The following MMP16 variants were observed in gnomAD, a reference collection of about 807,000 sequenced individuals.
MMP16 encodes matrix metalloproteinase-16.
A neutral mutation model predicts 67.8 loss-of-function variants in MMP16; 12 were observed. The ratio of observed to expected loss-of-function variants is 0.18; its 90% confidence interval spans 0.11 to 0.29. MMP16 has a LOEUF of 0.29. Among genes scored for constraint, MMP16 ranks in the 10% least tolerant of loss-of-function variants. The pLI is 1.00. For missense variants in MMP16, 475 were observed against 765.7 expected, an observed-to-expected ratio of 0.62 and a Z score of 4.48; for synonymous variants, 249 against 255.9, an observed-to-expected ratio of 0.97 and a Z score of 0.26.
At chr8:88,149,455 G>A (rs1403506132) in intron 4 of MMP16, among the ~76,000 whole-genome samples, 1 of 152,174 alleles carries the variant, frequency 6.6e-6, no homozygotes, top group Non-Finnish European at 1.5e-5. Flanking sequence ...AGACTTAAAT[G>A]TCCCTGTCTG....
chr8:88,050,659 C>A (rs1043324887), intron 8 of MMP16, among the ~76,000 whole-genome samples: 3 of 152,148 alleles, frequency 2.0e-5, no homozygotes, highest in African/African-American at 7.2e-5. Context: ...TATTCAAAGA[C>A]AATTGACTTA....
chr8:88,126,599 A>C (rs1381459231), intron 4 of MMP16, among the ~76,000 whole-genome samples: 1 of 151,904 alleles, frequency 6.6e-6, no homozygotes, highest in Non-Finnish European at 1.5e-5. Context: ...TGACTATGTG[A>C]GATGAACAAT....
chr8:88,134,560 G>A (rs1808086025), intron 4 of MMP16, among the ~76,000 whole-genome samples: 1 of 151,344 alleles, frequency 6.6e-6, no homozygotes, highest in African/African-American at 2.4e-5. Context: ...ATTATACACT[G>A]TCAAAGATTT....
intron 1 of MMP16, among the ~76,000 whole-genome samples, chr8:88,235,496 A>G (rs926802646): frequency 2.6e-5 from 4 of 152,076 alleles, no homozygotes; most frequent in Non-Finnish European, 4.4e-5. Context: ...AAACTTAGAA[A>G]CTATTTGATT....
chr8:88,274,868 C>A lies in MMP16; in HGVS notation c.132+52207G>T, dbSNP rs540999262. Among the ~76,000 whole-genome samples, 8 of 151,978 alleles carry A rather than the reference C, an allele frequency of 5.3e-5. No homozygotes were observed. In the East Asian group the frequency reaches 1.5e-3, roughly 29 times the overall value. ...CTACCAAGAACATTCCTAAACAAAC[C>A]TGAAAAAGAAAAGTTCAACCGATGT... is the stretch of plus-strand genomic sequence containing the variant. On this transcript the variant is annotated intron_variant, in intron 1 of 9. Coordinates refer to ENST00000286614, the MANE Select transcript of MMP16 (RefSeq NM_005941.5).
At chr8:88,284,454 G>A (rs1048803788) in intron 1 of MMP16, among the ~76,000 whole-genome samples, 3 of 151,892 alleles carry the variant, frequency 2.0e-5, no homozygotes, top group African/African-American at 7.3e-5. Flanking sequence ...GACTTTAAGA[G>A]AGAAGTTAGA....
At chr8:88,247,519 G>A (rs996056685) in intron 1 of MMP16, among the ~76,000 whole-genome samples, 6 of 152,016 alleles carry the variant, frequency 3.9e-5, no homozygotes, top group East Asian at 3.9e-4. Flanking sequence ...CTGTTCCCAG[G>A]GAAAGGCTGA....
chr8:88,061,125 TATAC>T (rs1171801011), intron 7 of MMP16, among the ~76,000 whole-genome samples: 1 of 116,640 alleles, frequency 8.6e-6, no homozygotes, highest in African/African-American at 4.0e-5. Flanking sequence ...ATCTGAATAT[TATAC>T]ACACACACAC....
At chr8:88,057,531 G>T (rs1015088901) in intron 7 of MMP16, among the ~76,000 whole-genome samples, 1 of 152,000 alleles carries the variant, frequency 6.6e-6, no homozygotes, top group African/African-American at 2.4e-5. Context: ...TTAATATCTG[G>T]CAAAGTAAGG....
chr8:88,273,437 A>C (rs1810598441), intron 1 of MMP16, among the ~76,000 whole-genome samples: 1 of 151,982 alleles, frequency 6.6e-6, no homozygotes, highest in Non-Finnish European at 1.5e-5. Context: ...CAATCCTCCG[A>C]CTTGACCCAG....
At chr8:88,320,703 T>C (rs1811445886) in intron 1 of MMP16, among the ~76,000 whole-genome samples, 1 of 152,150 alleles carries the variant, frequency 6.6e-6, no homozygotes, top group Non-Finnish European at 1.5e-5. Flanking sequence ...TATCTGTCCT[T>C]GATTTTAAAC....
intron 1 of MMP16, among the ~76,000 whole-genome samples, chr8:88,207,305 T>C (rs545751285): frequency 3.2e-4 from 48 of 152,334 alleles, no homozygotes; most frequent in African/African-American, 1.1e-3. Flanking sequence ...CGTATTGTAC[T>C]ACTGTGATAA....
Position 88,210,150 on chromosome 8 carries a change from T to G in MMP16, c.133-12844A>C, listed in dbSNP as rs1263263475. Among the ~76,000 whole-genome samples, 8 of 152,248 alleles carry G rather than the reference T, an allele frequency of 5.3e-5. No homozygotes were observed. In the East Asian group the frequency reaches 9.7e-4, roughly 18 times the overall value. ...GCCTCCAAAACTGTGAAATTTCTGC[T>G]CTTTAAATGCCACCCAGTCTACGAC... On this transcript the variant is annotated intron_variant, in intron 1 of 9. Transcript: ENST00000286614.
At chr8:88,067,187 G>A (rs1808474213) in intron 7 of MMP16, among the ~76,000 whole-genome samples, 1 of 152,008 alleles carries the variant, frequency 6.6e-6, no homozygotes, top group Non-Finnish European at 1.5e-5. Flanking sequence ...TAACGTAGAG[G>A]GGAAAGTTGC....
chr8:88,141,670 A>T (rs931918494), intron 4 of MMP16, among the ~76,000 whole-genome samples: 2 of 152,186 alleles, frequency 1.3e-5, no homozygotes, highest in Non-Finnish European at 2.9e-5. Flanking sequence ...ATATTCAGTA[A>T]TACTATTATT....
In MMP16 at chr8:88,041,199, C is replaced by A. The variant is rs1312537778; in HGVS notation, c.*262G>T. On this transcript the variant is annotated 3_prime_UTR_variant, in exon 10 of 10. Coordinates refer to ENST00000286614, the MANE Select transcript of MMP16 (RefSeq NM_005941.5). The surrounding 1 kb of genome is among the most constrained non-coding windows in gnomAD (Gnocchi z 6.0). Reference sequence around the variant, plus strand: ...TCCTGAAATTTTACTGGGCATTGAGCGTGCAGAGGAAAGGCCTAGAACTGA... The same window carrying A: ...TCCTGAAATTTTACTGGGCATTGAGAGTGCAGAGGAAAGGCCTAGAACTGA... 8.4e-5 allele frequency: 29 copies of A among 345,012 alleles called. No homozygotes were observed. The highest frequency in any genetic ancestry group is 1.4e-4 in the Non-Finnish European group (26 of 191,850). 21.4% of individuals were successfully genotyped at this position (345,012 alleles called of 1,614,324 possible).
intron 8 of MMP16, among the ~76,000 whole-genome samples, chr8:88,053,054 C>T (rs1443525408): frequency 2.0e-5 from 3 of 152,188 alleles, no homozygotes; most frequent in Admixed American, 6.6e-5. Flanking sequence ...ATGTCACATA[C>T]TTTGTGCTTC....
At chr8:88,218,349 A>T (rs1457474826) in intron 1 of MMP16, among the ~76,000 whole-genome samples, 2 of 152,040 alleles carry the variant, frequency 1.3e-5, no homozygotes, top group Non-Finnish European at 2.9e-5. Flanking sequence ...GGGAAATTGA[A>T]GGATTTCAAT....
At chr8:88,088,371 G>T (rs955698530) in intron 6 of MMP16, among the ~76,000 whole-genome samples, 1 of 151,880 alleles carries the variant, frequency 6.6e-6, no homozygotes, top group Non-Finnish European at 1.5e-5. Context: ...TGCCCAGGAG[G>T]GAATGTGCCA....
Sources: gnomAD v4.1 joint callset for allele counts (sites outside exome capture counted in the v4.1 genomes callset) on GRCh38, gnomAD v4.1.1 for gene constraint, Gnocchi (gnomAD v3.1) non-coding constraint, MANE v1.5 for transcripts, NCBI Gene and HGNC (gene_info 2026-07-23, HGNC 2026-07-21) for gene names.